DNAH7: variants seen among roughly 807,000 people sequenced by gnomAD.
DNAH7 encodes axonemal beta dynein heavy chain 7.
Under a neutral mutation model 444.6 loss-of-function variants are expected in DNAH7, and 397 were observed. The ratio of observed to expected loss-of-function variants is 0.89; its 90% CI spans 0.82 to 0.97. DNAH7 has a LOEUF of 0.97. Ranked by LOEUF, DNAH7 falls within the 50% of genes least tolerant of loss-of-function variation. DNAH7 has a pLI of 0.00. For missense variants in DNAH7, 4,902 were observed against 4,800.8 expected, an observed-to-expected ratio of 1.02 and a Z score of -0.62; for synonymous variants, 1,636 against 1,624.4, an observed-to-expected ratio of 1.01 and a Z score of -0.17.
chr2:195,778,669 T>TATATATATATAC lies in DNAH7; in HGVS notation c.10879-685_10879-684insGTATATATATAT, dbSNP rs1446625777. 7.8e-5 allele frequency among the ~76,000 whole-genome samples: 5 copies of TATATATATATAC among 64,098 alleles called. 1 individual carries two copies. Among genetic ancestry groups the TATATATATATAC allele is most frequent in the African/African-American group, 3.9e-4 (5 of 12,840 alleles). The allele number at this position is 64,098 out of a possible 152,430, so 42.1% of individuals were successfully genotyped here. A position where few individuals can be genotyped will look rare whatever the true frequency, so the allele number is the denominator to read the frequency against. The stretch of plus-strand genomic sequence containing the variant: ...ATATATATATATATATATATATATA[T>TATATATATATAC]ACACACACACACATATATATACACA... On this transcript the variant is annotated intron_variant, in intron 58 of 64. Coordinates refer to ENST00000312428, the MANE Select transcript of DNAH7 (RefSeq NM_018897.3).
At chr2:195,952,516 G>C (rs1196349687) in intron 19 of DNAH7, among the ~76,000 whole-genome samples, 3 of 152,296 alleles carry the variant, frequency 2.0e-5, no homozygotes, top group Admixed American at 2.0e-4. Flanking sequence ...ATATCCTGAA[G>C]AGTGTTTTCC....
intron 63 of DNAH7, among the ~76,000 whole-genome samples, chr2:195,752,307 T>C (rs1456663461): frequency 6.7e-6 from 1 of 150,220 alleles, no homozygotes. Context: ...GCAGTAGGAC[T>C]GTAGGTGAGC....
At chr2:196,026,501 AT>A (rs1305684071) in intron 7 of DNAH7, among the ~76,000 whole-genome samples, 14 of 152,194 alleles carry the variant, frequency 9.2e-5, no homozygotes, top group Non-Finnish European at 1.9e-4. Flanking sequence ...ATCTTGAGGG[AT>A]TGAAATTAAT....
intron 22 of DNAH7, among the ~76,000 whole-genome samples, chr2:195,924,593 C>CAA (rs1276051887): frequency 1.2e-4 from 15 of 120,702 alleles, no homozygotes; most frequent in African/African-American, 3.6e-4. Flanking sequence ...GACTCCATCA[C>CAA]AAAAAAAAAA....
rs763015647 is a variant in DNAH7 at position 195,884,670 on chromosome 2, C to T, written c.5678G>A (p.Ser1893Asn). 2 of 1,614,066 alleles carry T rather than the reference C, an allele frequency of 1.2e-6. No homozygotes were observed. Among genetic ancestry groups the T allele is most frequent in the East Asian group, 2.2e-5 (1 of 44,888 alleles). Residue 1893 changes from serine to asparagine, a missense_variant, in exon 35 of 65, where the codon AGT becomes AAT. Physicochemically the swap from Ser to Asn is conservative, Grantham distance 46. Transcript: ENST00000312428. ...CTTTGAGGATGTTTGCTCAGTACCA[C>T]TCTGTAATTTAAACGTATTTCGAGT... ...DRTRNTFKLQ[S>N]GTEQTSSKAL...
chr2:196,063,926 CT>C (rs1162775393), intron 1 of DNAH7: 12 of 152,272 alleles, frequency 7.9e-5, no homozygotes, highest in African/African-American at 2.7e-4. Flanking sequence ...CACCCTGCCC[CT>C]GACATGAAAG....
At chr2:195,965,860 T>C (rs751175271) in intron 17 of DNAH7, among the ~76,000 whole-genome samples, 1 of 152,116 alleles carries the variant, frequency 6.6e-6, no homozygotes, top group Non-Finnish European at 1.5e-5. Context: ...TCTCTTTTTT[T>C]CTTGGGTAGT....
intron 40 of DNAH7, among the ~76,000 whole-genome samples, chr2:195,871,248 T>C (rs1341881728): frequency 6.6e-6 from 1 of 152,238 alleles, no homozygotes; most frequent in Non-Finnish European, 1.5e-5. Flanking sequence ...TTTATATCTC[T>C]GTAGTACATG....
chr2:195,785,300 C>T (rs988584047), intron 58 of DNAH7, among the ~76,000 whole-genome samples: 6 of 151,984 alleles, frequency 3.9e-5, no homozygotes, highest in Non-Finnish European at 5.9e-5. Context: ...TTTTCGGATA[C>T]GTCTTTTACA....
At chr2:195,857,323 G>T in intron 44 of DNAH7, 54 bp downstream of exon 44, 3 of 1,393,042 alleles carry the variant, frequency 2.2e-6, no homozygotes, top group South Asian at 3.0e-5. Context: ...TTTTCTAACT[G>T]ACCAGAAGTG....
rs1443828661 is a variant in DNAH7 at position 195,808,681 on chromosome 2, C to T, written c.10083+1G>A. 4 of 1,613,578 alleles carry T rather than the reference C, an allele frequency of 2.5e-6. No homozygotes were observed. The highest frequency in any genetic ancestry group is 1.1e-5 in the South Asian group (1 of 91,032). On this transcript the variant is annotated splice_donor_variant, in intron 53 of 64. Transcript: ENST00000312428. LOFTEE classifies it high-confidence loss of function. ...GAATAAGTGAGAGGGTTAAAACATA[C>T]CAAACTATCATATACTTTCTTCCAT...
intron 28 of DNAH7, among the ~76,000 whole-genome samples, chr2:195,898,489 C>T (rs116771941): frequency 0.015 from 2,315 of 152,252 alleles, 62 homozygotes; most frequent in African/African-American, 0.052. Context: ...TTAGTTTTCA[C>T]AGGAAAAAAA....
At chr2:195,909,973 T>C (rs763217883) in intron 25 of DNAH7, 54 bp downstream of exon 25, 5 of 1,497,408 alleles carry the variant, frequency 3.3e-6, no homozygotes, top group African/African-American at 1.4e-5. Context: ...GCATCATAAA[T>C]AACCATCTCT....
In DNAH7 at chr2:195,808,572, C is replaced by T; in HGVS notation, c.10083+110G>A. 5 of 1,315,394 alleles carry T rather than the reference C, an allele frequency of 3.8e-6. No homozygotes were observed. The South Asian group carries it at 4.1e-5, about 11-fold the overall frequency. 81.5% of individuals were successfully genotyped at this position (1,315,394 alleles called of 1,614,324 possible). On this transcript the variant is annotated intron_variant, in intron 53 of 64. Coordinates refer to ENST00000312428, the MANE Select transcript of DNAH7 (RefSeq NM_018897.3). ...ACATAAATCAAAATTTGCATTCTAA[C>T]ATGTGACCAGTTGTTTAAAGCTTAT...
intron 2 of DNAH7, among the ~76,000 whole-genome samples, chr2:196,053,863 G>C (rs968758662): frequency 3.9e-5 from 6 of 152,160 alleles, no homozygotes; most frequent in Non-Finnish European, 5.9e-5. Context: ...GTGCTAGAGG[G>C]ACAGGCAGTT....
At chr2:195,924,294 G>A (rs969987919) in intron 22 of DNAH7, among the ~76,000 whole-genome samples, 1 of 152,062 alleles carries the variant, frequency 6.6e-6, no homozygotes, top group African/African-American at 2.4e-5. Context: ...GAGATAGAAA[G>A]CAACAACAAA....
At chr2:195,764,199 A>G (rs1363750635) in intron 61 of DNAH7, among the ~76,000 whole-genome samples, 1 of 151,158 alleles carries the variant, frequency 6.6e-6, no homozygotes, top group Non-Finnish European at 1.5e-5. Context: ...TTAATGATTA[A>G]AAAAAAAACT....
intron 48 of DNAH7, 105 bp from the exon 49 acceptor site, chr2:195,824,550 T>C: frequency 1.1e-6 from 1 of 952,368 alleles, no homozygotes; most frequent in Non-Finnish European, 1.5e-6. Context: ...TAAATTCTGT[T>C]CCTAGATACC....
chr2:195,909,371 C>G (rs907583911), intron 25 of DNAH7, among the ~76,000 whole-genome samples: 1 of 152,160 alleles, frequency 6.6e-6, no homozygotes, highest in Admixed American at 6.5e-5. Flanking sequence ...TAACAGGCTA[C>G]AGACACAAGC....
Sources: gnomAD v4.1 joint callset for allele counts (sites outside exome capture counted in the v4.1 genomes callset) on GRCh38, gnomAD v4.1.1 for gene constraint, MANE v1.5 for transcripts, NCBI Gene and HGNC (gene_info 2026-07-23, HGNC 2026-07-21) for gene names.